CACHD1: variants seen among roughly 807,000 people sequenced by gnomAD.
CACHD1 encodes the protein cache domain containing 1.
A neutral mutation model predicts 138.7 loss-of-function variants in CACHD1; 71 were observed. The ratio of observed to expected loss-of-function variants is 0.51; its 90% CI spans 0.42 to 0.62. CACHD1 has a LOEUF of 0.62. Ranked by LOEUF, CACHD1 falls within the 20% of genes least tolerant of loss-of-function variation. The probability of loss-of-function intolerance (pLI) is 0.00; values close to 1 mark genes in which losing one functional copy is unlikely to be tolerated. For synonymous variants in CACHD1, 578 were observed against 591.5 expected (o/e 0.98, Z 0.33); for missense variants, 1,389 against 1,625.3 (o/e 0.85, Z 2.50).
intron 7 of CACHD1, among the ~76,000 whole-genome samples, chr1:64,638,382 T>C (rs1445771004): frequency 3.3e-5 from 5 of 152,234 alleles, no homozygotes; most frequent in African/African-American, 4.8e-5. Flanking sequence ...TATGCCCACA[T>C]TGGTAGCCAT....
intron 1 of CACHD1, among the ~76,000 whole-genome samples, chr1:64,527,014 C>T (rs921297724): frequency 6.6e-6 from 1 of 152,200 alleles, no homozygotes; most frequent in African/African-American, 2.4e-5. Context: ...GCGAGCAGTT[C>T]GGAGTCAGTA....
intron 1 of CACHD1, among the ~76,000 whole-genome samples, chr1:64,482,704 A>T (rs1646218404): frequency 6.6e-6 from 1 of 152,208 alleles, no homozygotes; most frequent in South Asian, 2.1e-4. Flanking sequence ...CCTGTGTGCT[A>T]ATTATGAACC....
chr1:64,658,107 T>C (rs1045987642), intron 12 of CACHD1, among the ~76,000 whole-genome samples: 10 of 152,220 alleles, frequency 6.6e-5, no homozygotes, highest in Non-Finnish European at 1.2e-4. Context: ...CAAATCAGGC[T>C]GACTCTGCAG....
intron 2 of CACHD1, chr1:64,563,983 T>C (rs1464479556): frequency 1.3e-5 from 2 of 152,186 alleles, no homozygotes; most frequent in Admixed American, 6.5e-5. Flanking sequence ...AAGGGTGATA[T>C]AATGTCAATA....
rs1261454841 is a variant in CACHD1, at chr1:64,654,709, T to C, written c.1688T>C (p.Ile563Thr). The C allele has an allele frequency of 6.2e-7, 1 of 1,613,678 alleles. No individual in the cohort carries two copies. Among genetic ancestry groups the C allele is most frequent in the African/African-American group, 1.3e-5 (1 of 74,910 alleles). Residue 563 changes from isoleucine to threonine, a missense_variant, in exon 12 of 27, where the codon ATC (isoleucine) becomes ACC (threonine). Around this residue, in one of 5 missense-constraint regions of CACHD1, gnomAD observed 1,000 missense variants for 1,114.7 expected, o/e 0.90. Coordinates refer to ENST00000651257, the MANE Select transcript of CACHD1 (RefSeq NM_020925.4). ...AGCCTCCCTCTGGGCAGCCAGATTATCGCAGTCCCTGTGAACTCATCCCTG... is the reference window on the plus strand; with the variant it reads ...AGCCTCCCTCTGGGCAGCCAGATTACCGCAGTCCCTGTGAACTCATCCCTG... Reference protein sequence around the residue: ...ILSLPLGSQIIAVPVNSSLSW... With the variant: ...ILSLPLGSQITAVPVNSSLSW...
In CACHD1 at chr1:64,505,297, A is replaced by G. The variant is rs1367365371; in HGVS notation, c.198+34355A>G. Among the ~76,000 whole-genome samples, 4 of 152,008 alleles carry G rather than the reference A, an allele frequency of 2.6e-5. No individual in the cohort carries two copies. In the East Asian group the frequency reaches 7.8e-4, roughly 29 times the overall value. On this transcript the variant is annotated intron_variant, in intron 1 of 26. Transcript: ENST00000651257. ...GGAGCCCCTGTACTGGTACCTGCTC[A>G]GCCCCGGGAGCCACAGGCATTACTG...
intron 1 of CACHD1, among the ~76,000 whole-genome samples, chr1:64,489,015 T>A (rs368334699): frequency 6.6e-6 from 1 of 152,176 alleles, no homozygotes; most frequent in South Asian, 2.1e-4. Context: ...TCATGGGAGA[T>A]TGTTCATAAG....
chr1:64,677,046 A>T lies in CACHD1; in HGVS notation c.3092+35A>T, dbSNP rs756320828. 8.1e-6 allele frequency: 12 copies of T among 1,479,942 alleles called. No individual in the cohort carries two copies. The South Asian group carries it at 1.4e-4, about 17-fold the overall frequency. The allele number at this position is 1,479,942 out of a possible 1,614,324, so 91.7% of individuals were successfully genotyped here. A position where few individuals can be genotyped will look rare whatever the true frequency, so the allele number is the denominator to read the frequency against. On this transcript the variant is annotated intron_variant, in intron 22 of 26. Coordinates refer to ENST00000651257, the MANE Select transcript of CACHD1 (RefSeq NM_020925.4). ...ATCTAGTAAAGAATTGAGGTTTTCC[A>T]GCTAATATTTATTATTCCTACTCTT...
At chr1:64,629,961 A>G (rs1361017335) in intron 5 of CACHD1, among the ~76,000 whole-genome samples, 1 of 152,190 alleles carries the variant, frequency 6.6e-6, no homozygotes, top group East Asian at 1.9e-4. Context: ...AAAGCATTGG[A>G]TTAAAAATTA....
chr1:64,605,126 G>A (rs1307598308), intron 4 of CACHD1, among the ~76,000 whole-genome samples: 4 of 148,944 alleles, frequency 2.7e-5, no homozygotes, highest in South Asian at 2.1e-4. Flanking sequence ...ACCACCGACC[G>A]GCTAATTTTT....
chr1:64,655,508 A>C (rs886089425), intron 12 of CACHD1, among the ~76,000 whole-genome samples: 1 of 152,186 alleles, frequency 6.6e-6, no homozygotes, highest in Non-Finnish European at 1.5e-5. Context: ...ACATGAAAGC[A>C]TAAGTACCTT....
intron 8 of CACHD1, among the ~76,000 whole-genome samples, chr1:64,643,025 A>G (rs10789163): frequency 0.98 from 123,393 of 125,740 alleles, 60,604 homozygotes; most frequent in Non-Finnish European, 1. Context: ...GTGACAGAGC[A>G]AGACTCTGTC....
chr1:64,587,224 G>A (rs917391461), intron 3 of CACHD1, among the ~76,000 whole-genome samples: 3 of 152,104 alleles, frequency 2.0e-5, no homozygotes, highest in South Asian at 4.1e-4. Context: ...ACTAGACAAT[G>A]TTTTTATAAG....
chr1:64,553,636 A>G (rs988432840), intron 2 of CACHD1, among the ~76,000 whole-genome samples: 1 of 152,192 alleles, frequency 6.6e-6, no homozygotes, highest in Non-Finnish European at 1.5e-5. Flanking sequence ...TGAACATCTT[A>G]ACTTACTACC....
chr1:64,641,061 C>A (rs1448761433), intron 7 of CACHD1, among the ~76,000 whole-genome samples: 3 of 151,748 alleles, frequency 2.0e-5, no homozygotes, highest in Non-Finnish European at 4.4e-5. Flanking sequence ...GTTGTAGTTT[C>A]TTTTTTTTCT....
intron 12 of CACHD1, among the ~76,000 whole-genome samples, chr1:64,657,509 AAG>A (rs1324226665): frequency 6.6e-6 from 1 of 152,190 alleles, no homozygotes; most frequent in Non-Finnish European, 1.5e-5. Context: ...TGAGATTGAA[AAG>A]AGAGAAAATA....
At chr1:64,530,636 C>T (rs1350066447) in intron 1 of CACHD1, among the ~76,000 whole-genome samples, 4 of 151,804 alleles carry the variant, frequency 2.6e-5, no homozygotes, top group East Asian at 1.9e-4. Flanking sequence ...TTTGGGAGGC[C>T]GAGGTGGGCG....
rs180673448 is a variant in CACHD1, at chr1:64,607,205, G to A, written c.517+4293G>A. Among the ~76,000 whole-genome samples, 4 of 152,260 alleles carry A rather than the reference G, an allele frequency of 2.6e-5. No individual in the cohort carries two copies. In the East Asian group the frequency reaches 5.8e-4, roughly 22 times the overall value. On this transcript the variant is annotated intron_variant, in intron 4 of 26. Coordinates refer to ENST00000651257, the MANE Select transcript of CACHD1 (RefSeq NM_020925.4). Reference sequence around the variant, plus strand: ...TGCTGAGGTGACACTGAGATGAAGAGGAAGCTGGAAAGGGAGCTGAGAAGG... The same window carrying A: ...TGCTGAGGTGACACTGAGATGAAGAAGAAGCTGGAAAGGGAGCTGAGAAGG...
chr1:64,630,064 T>G (rs1648247648), intron 5 of CACHD1, among the ~76,000 whole-genome samples: 1 of 152,198 alleles, frequency 6.6e-6, no homozygotes. Context: ...ATGACAAGAC[T>G]CATTAATTAT....
Sources: allele counts gnomAD v4.1 joint callset (sites outside exome capture counted in the v4.1 genomes callset), GRCh38; gene constraint gnomAD v4.1.1; regional missense constraint gnomAD v4.1.1; transcripts MANE v1.5; gene names NCBI Gene and HGNC (gene_info 2026-07-23, HGNC 2026-07-21).